The following PSMF1 variants were observed in gnomAD, a reference collection of about 807,000 sequenced individuals.
The protein encoded by PSMF1 is proteasome inhibitor PI31 subunit.
In PSMF1, 30 loss-of-function variants were observed where a neutral mutation model predicts 29.3. That is an observed-to-expected ratio of 1.02 (90% CI 0.77 to 1.39). The LOEUF (loss-of-function observed/expected upper bound fraction) is 1.39, where lower values mean the gene tolerates loss of function less well. Among genes scored for constraint, PSMF1 ranks in the 40% most tolerant of loss-of-function variants. PSMF1 has a pLI of 0.00. For missense variants in PSMF1, 344 were observed against 357.5 expected, an observed-to-expected ratio of 0.96 and a Z score of 0.31; for synonymous variants, 134 against 139.7, an observed-to-expected ratio of 0.96 and a Z score of 0.29.
intron 3 of PSMF1, 89 bp downstream of exon 3, chr20:1,127,597 TA>T: frequency 9.2e-7 from 1 of 1,092,708 alleles, no homozygotes; most frequent in Admixed American, 1.9e-5. Context: ...TCCAGAAAAT[TA>T]AGGAAGGTGA....
At chr20:1,159,465 A>G (rs1424393765) in intron 4 of PSMF1, among the ~76,000 whole-genome samples, 2 of 152,148 alleles carry the variant, frequency 1.3e-5, no homozygotes, top group Non-Finnish European at 2.9e-5. Flanking sequence ...CCTGGCCTGC[A>G]ACTGCCTTTC....
intron 4 of PSMF1, chr20:1,161,114 T>C: frequency 2.2e-6 from 1 of 460,838 alleles, no homozygotes; most frequent in Non-Finnish European, 3.7e-6. Context: ...CGTCTGGACC[T>C]GGCTGGCCAG....
At chr20:1,114,086 G>A (rs2085993667), upstream of PSMF1, among the ~76,000 whole-genome samples, 1 of 152,168 alleles carries the variant, frequency 6.6e-6, no homozygotes, top group Non-Finnish European at 1.5e-5. Flanking sequence ...CCCTTCAGCA[G>A]TCACCTCTAG....
At chr20:1,157,258 A>G (rs940071871) in intron 4 of PSMF1, among the ~76,000 whole-genome samples, 43 of 152,194 alleles carry the variant, frequency 2.8e-4, no homozygotes, top group African/African-American at 9.9e-4. Context: ...TCTCTTGGCA[A>G]CACCCTCACA....
intron 4 of PSMF1, among the ~76,000 whole-genome samples, chr20:1,137,325 A>G (rs1251523829): frequency 3.3e-5 from 5 of 152,228 alleles, no homozygotes; most frequent in South Asian, 2.1e-4. Context: ...ATGGTTGATA[A>G]AACTATTAAG....
At chr20:1,125,087 G>T (rs1020477247) in intron 1 of PSMF1, among the ~76,000 whole-genome samples, 1 of 152,194 alleles carries the variant, frequency 6.6e-6, no homozygotes, top group Non-Finnish European at 1.5e-5. Context: ...CGTGTATTCG[G>T]ATCTGTGTTT....
chr20:1,146,597 A>G (rs752504061), intron 4 of PSMF1, among the ~76,000 whole-genome samples: 1 of 152,092 alleles, frequency 6.6e-6, no homozygotes, highest in Non-Finnish European at 1.5e-5. Context: ...TCCCTCCTCC[A>G]TATCGCTCTG....
chr20:1,121,379 T>A (rs1478943600), intron 1 of PSMF1, among the ~76,000 whole-genome samples: 1 of 151,924 alleles, frequency 6.6e-6, no homozygotes, highest in African/African-American at 2.4e-5. Flanking sequence ...TAGAGTGTGG[T>A]GTATTTTTGC....
chr20:1,124,342 G>A (rs1193293472), intron 1 of PSMF1, among the ~76,000 whole-genome samples: 2 of 152,128 alleles, frequency 1.3e-5, no homozygotes, highest in African/African-American at 4.8e-5. Flanking sequence ...AATAAAAGAT[G>A]TATTTTACAC....
chr20:1,138,995 G>T (rs2086346019), intron 4 of PSMF1, among the ~76,000 whole-genome samples: 1 of 152,090 alleles, frequency 6.6e-6, no homozygotes, highest in South Asian at 2.1e-4. Flanking sequence ...GGCCAACATG[G>T]TGAAACCCTG....
Position 1,163,281 on chromosome 20 carries a change from C to T in PSMF1, c.605+98C>T. On this transcript the variant is annotated intron_variant, in intron 5 of 6. Coordinates refer to ENST00000335877, the MANE Select transcript of PSMF1 (RefSeq NM_006814.5). The surrounding 1 kb of genome is among the most constrained non-coding windows in gnomAD (Gnocchi z 6.1). ...TTTTAGAGTTTTCGGTCAGTCTCTT[C>T]CTTTGGGGTGGAGGAGGCAGTTGTT... 7.3e-7 allele frequency: 1 copy of T among 1,369,620 alleles called. No homozygotes were observed. Among genetic ancestry groups the T allele is most frequent in the East Asian group, 2.4e-5 (1 of 41,510 alleles). The allele number at this position is 1,369,620 out of a possible 1,614,324, so 84.8% of individuals were successfully genotyped here. A position where few individuals can be genotyped will look rare whatever the true frequency, so the allele number is the denominator to read the frequency against.
chr20:1,157,742 A>C (rs1181605092), intron 4 of PSMF1, among the ~76,000 whole-genome samples: 1 of 151,226 alleles, frequency 6.6e-6, no homozygotes, highest in Non-Finnish European at 1.5e-5. Flanking sequence ...GCCTTCAGTA[A>C]GCACCTCAGC....
In PSMF1 at chr20:1,166,139, T is replaced by G; in HGVS notation, c.*1059T>G. ...CACAGGAGCATGGGCTGCCTCTGAG[T>G]GTGGTGTTGAACTTCGGGAGGAGCA... On this transcript the variant is annotated 3_prime_UTR_variant, in exon 7 of 7. Coordinates refer to ENST00000335877, the MANE Select transcript of PSMF1 (RefSeq NM_006814.5). The G allele has an allele frequency of 6.4e-7, 1 of 1,574,228 alleles. No homozygotes were observed. The highest frequency in any genetic ancestry group is 1.2e-5 in the South Asian group (1 of 85,844).
intron 1 of PSMF1, among the ~76,000 whole-genome samples, chr20:1,123,408 A>G (rs1395293837): frequency 6.6e-6 from 1 of 152,180 alleles, no homozygotes; most frequent in Non-Finnish European, 1.5e-5. Flanking sequence ...CACCTGCCCC[A>G]TGGTGAGCAA....
intron 4 of PSMF1, among the ~76,000 whole-genome samples, chr20:1,158,082 A>T (rs2086617256): frequency 6.6e-6 from 1 of 152,204 alleles, no homozygotes; most frequent in African/African-American, 2.4e-5. Flanking sequence ...CTTCCAGTTT[A>T]ATGGAATTAT....
intron 4 of PSMF1, among the ~76,000 whole-genome samples, chr20:1,157,215 A>T (rs1335298638): frequency 6.6e-6 from 1 of 152,156 alleles, no homozygotes; most frequent in Non-Finnish European, 1.5e-5. Flanking sequence ...AAGGGTGGAT[A>T]TGCCTTCTCC....
chr20:1,121,193 A>G (rs1359367718), intron 1 of PSMF1, among the ~76,000 whole-genome samples: 2 of 151,728 alleles, frequency 1.3e-5, no homozygotes, highest in East Asian at 3.9e-4. Flanking sequence ...TTCTCTGTTC[A>G]TGGTGCTATT....
At chr20:1,152,732 G>A (rs149990408) in intron 4 of PSMF1, among the ~76,000 whole-genome samples, 3 of 152,240 alleles carry the variant, frequency 2.0e-5, no homozygotes, top group Admixed American at 6.5e-5. Context: ...GTAGACTATG[G>A]TGGTATATAA....
chr20:1,132,656 T>G (rs2086245376), intron 3 of PSMF1, among the ~76,000 whole-genome samples: 1 of 152,222 alleles, frequency 6.6e-6, no homozygotes, highest in Non-Finnish European at 1.5e-5. Flanking sequence ...AGGAGTTGCA[T>G]TAAACCTATA....
Sources: gnomAD v4.1 joint callset for allele counts (sites outside exome capture counted in the v4.1 genomes callset) on GRCh38, gnomAD v4.1.1 for gene constraint, Gnocchi (gnomAD v3.1) non-coding constraint, MANE v1.5 for transcripts, NCBI Gene and HGNC (gene_info 2026-07-23, HGNC 2026-07-21) for gene names.